Variants in CHN1 observed in about 807,000 individuals in gnomAD.
CHN1 encodes N-chimaerin.
A neutral mutation model predicts 59.5 loss-of-function variants in CHN1; 37 were observed. That is an observed-to-expected ratio of 0.62 (90% CI 0.48 to 0.82). The LOEUF (loss-of-function observed/expected upper bound fraction) is 0.82. Among genes scored for constraint, CHN1 ranks in the 40% least tolerant of loss-of-function variants. The pLI is 0.00. For missense variants in CHN1, 469 were observed against 571.0 expected, an observed-to-expected ratio of 0.82 and a Z score of 1.82; for synonymous variants, 206 against 200.4, an observed-to-expected ratio of 1.03 and a Z score of -0.24.
At chr2:174,836,203 T>C (rs1417536488) in intron 7 of CHN1, among the ~76,000 whole-genome samples, 5 of 152,212 alleles carry the variant, frequency 3.3e-5, no homozygotes, top group African/African-American at 1.2e-4. Context: ...AAGAGTGATC[T>C]TAAGAATCAT....
At chr2:174,927,964 T>C (rs1261629810) in intron 3 of CHN1, among the ~76,000 whole-genome samples, 1 of 152,204 alleles carries the variant, frequency 6.6e-6, no homozygotes, top group Non-Finnish European at 1.5e-5. Flanking sequence ...AGATTATACG[T>C]TAAAAAATAA....
At chr2:174,825,985 G>A (rs1322996451) in intron 7 of CHN1, among the ~76,000 whole-genome samples, 4 of 152,140 alleles carry the variant, frequency 2.6e-5, no homozygotes, top group Non-Finnish European at 5.9e-5. Context: ...CAGAATATCA[G>A]AATTCAAAAT....
In CHN1 at chr2:174,836,395, T is replaced by A. The variant is rs138374260; in HGVS notation, c.627+10485A>T. 4.5e-3 allele frequency among the ~76,000 whole-genome samples: 678 copies of A among 152,314 alleles called. 6 individuals carry two copies. Among genetic ancestry groups the A allele is most frequent in the African/African-American group, 0.015 (638 of 41,572 alleles). ...TATATTATTGGTTCTACTGATTCGT[T>A]CATGTGAACGCCAACCAGTGACTTT... On this transcript the variant is annotated intron_variant, in intron 7 of 12. Coordinates refer to ENST00000409900, the MANE Select transcript of CHN1 (RefSeq NM_001822.7).
At chr2:174,878,228 G>C in intron 5 of CHN1, 100 bp from the exon 6 acceptor site, 1 of 1,071,694 alleles carries the variant, frequency 9.3e-7, no homozygotes, top group Non-Finnish European at 1.3e-6. Flanking sequence ...GCTTTGTTTT[G>C]TGTGTGTCTT....
At position 174,918,561 on chromosome 2, in the gene CHN1, T is replaced by C. The variant is rs1001081249; in HGVS notation, c.119A>G (p.Glu40Gly). ...PRRITCTCEV[E>G]NRPKYYGREF... The stretch of plus-strand genomic sequence containing the variant: ...TCTTCCATAATACTTTGGTCTGTTT[T>C]CCACCTATTGGGAAAGCAAAAAAAC... The change falls in exon 4 of 13, where the codon GAA (glutamate) becomes GGA (glycine). Residue 40 changes from glutamate (E) to glycine (G), a missense_variant. This residue lies in a region of CHN1 where 152 missense variants were observed against 166.1 expected (regional missense o/e 0.92). Coordinates refer to ENST00000409900, the MANE Select transcript of CHN1 (RefSeq NM_001822.7). 13 of 1,592,512 alleles carry C rather than the reference T, an allele frequency of 8.2e-6. No homozygotes were observed. The highest frequency in any genetic ancestry group is 1.0e-5 in the Non-Finnish European group (12 of 1,168,436).
At chr2:174,925,767 T>C (rs1208687333) in intron 3 of CHN1, among the ~76,000 whole-genome samples, 10 of 152,254 alleles carry the variant, frequency 6.6e-5, no homozygotes, top group Admixed American at 6.5e-4. Context: ...CACTTCAAGA[T>C]ATAACACCTC....
At chr2:174,999,645 T>C (rs958822953) in intron 1 of CHN1, among the ~76,000 whole-genome samples, 2 of 152,228 alleles carry the variant, frequency 1.3e-5, no homozygotes, top group South Asian at 4.1e-4. Context: ...GTATTCTCAA[T>C]GAGTTGAGGA....
intron 8 of CHN1, among the ~76,000 whole-genome samples, chr2:174,820,854 C>T (rs1218193346): frequency 1.3e-5 from 2 of 152,008 alleles, no homozygotes; most frequent in African/African-American, 4.8e-5. Flanking sequence ...AGGGCTGTGG[C>T]GAGGGACACA....
At chr2:174,974,898 T>TATAC (rs1553489026) in intron 1 of CHN1, among the ~76,000 whole-genome samples, 1 of 144,268 alleles carries the variant, frequency 6.9e-6, no homozygotes, top group African/African-American at 2.6e-5. Context: ...AAATAATTAA[T>TATAC]ACACACACAC....
chr2:174,806,871 A>C (rs1684901811), intron 11 of CHN1, among the ~76,000 whole-genome samples: 1 of 152,224 alleles, frequency 6.6e-6, no homozygotes, highest in Non-Finnish European at 1.5e-5. Context: ...TCCACAAACA[A>C]GATATCGCTA....
chr2:174,937,372 G>T (rs893198019), intron 3 of CHN1, among the ~76,000 whole-genome samples: 2 of 152,170 alleles, frequency 1.3e-5, no homozygotes, highest in African/African-American at 4.8e-5. Flanking sequence ...ATGGAAATGT[G>T]CACATGCAAA....
chr2:174,938,570 T>C (rs527280208), intron 3 of CHN1, among the ~76,000 whole-genome samples: 18 of 152,232 alleles, frequency 1.2e-4, no homozygotes, highest in Non-Finnish European at 2.1e-4. Context: ...CAGAAAAACA[T>C]TGAACAACCT....
At chr2:174,847,555 C>T in intron 6 of CHN1, 2 of 1,258,288 alleles carry the variant, frequency 1.6e-6, no homozygotes, top group Non-Finnish European at 2.0e-6. Flanking sequence ...ATACTGCCTG[C>T]AATCAGTTTC....
intron 6 of CHN1, among the ~76,000 whole-genome samples, chr2:174,870,068 G>T (rs1335006750): frequency 6.6e-6 from 1 of 152,180 alleles, no homozygotes; most frequent in Non-Finnish European, 1.5e-5. Flanking sequence ...TAAAATTTAA[G>T]AATGTAAACG....
intron 8 of CHN1, among the ~76,000 whole-genome samples, chr2:174,820,304 A>G (rs1685440134): frequency 6.6e-6 from 1 of 152,158 alleles, no homozygotes; most frequent in Admixed American, 6.5e-5. Context: ...AAGTGTTCCT[A>G]TTTCTCCACA....
chr2:174,934,630 G>A (rs997582686), intron 3 of CHN1, among the ~76,000 whole-genome samples: 1 of 152,220 alleles, frequency 6.6e-6, no homozygotes, highest in Non-Finnish European at 1.5e-5. Context: ...CCAACTTGAA[G>A]TTCAGAAATT....
At chr2:174,900,570 C>T (rs1247736498) in intron 5 of CHN1, among the ~76,000 whole-genome samples, 1 of 152,188 alleles carries the variant, frequency 6.6e-6, no homozygotes, top group Non-Finnish European at 1.5e-5. Flanking sequence ...CTTTGGGAGG[C>T]CAAGGCGGGT....
At chr2:174,805,493 G>C (rs934111865) in intron 11 of CHN1, among the ~76,000 whole-genome samples, 4 of 152,158 alleles carry the variant, frequency 2.6e-5, no homozygotes, top group Non-Finnish European at 5.9e-5. Flanking sequence ...AAGGGATTCC[G>C]GTGAAGTAGG....
chr2:174,953,992 C>T (rs1361913456), intron 1 of CHN1, among the ~76,000 whole-genome samples: 1 of 152,086 alleles, frequency 6.6e-6, no homozygotes, highest in Non-Finnish European at 1.5e-5. Context: ...CATAGCAAGA[C>T]TATGCAAAAA....
Sources: gnomAD v4.1 joint callset for allele counts (sites outside exome capture counted in the v4.1 genomes callset) on GRCh38, gnomAD v4.1.1 for gene constraint, gnomAD v4.1.1 regional missense constraint, MANE v1.5 for transcripts, NCBI Gene and HGNC (gene_info 2026-07-23, HGNC 2026-07-21) for gene names.